KIF15: variants seen among roughly 807,000 people sequenced by gnomAD.
KIF15 encodes kinesin family member 15, also known as kinesin-like protein KIF15.
A neutral mutation model predicts 190.6 loss-of-function variants in KIF15; 140 were observed. The ratio of observed to expected loss-of-function variants is 0.73; its 90% CI spans 0.64 to 0.84. KIF15 has a LOEUF of 0.84. Among genes scored for constraint, KIF15 ranks in the 40% least tolerant of loss-of-function variants. KIF15 has a pLI of 0.00. For synonymous variants in KIF15, 528 were observed against 551.3 expected, an observed-to-expected ratio of 0.96 and a Z score of 0.59; for missense variants, 1,372 against 1,584.4, an observed-to-expected ratio of 0.87 and a Z score of 2.28.
At chr3:44,867,801 T>A (rs1699336810) in intron 6 of KIF15, among the ~76,000 whole-genome samples, 1 of 152,248 alleles carries the variant, frequency 6.6e-6, no homozygotes, top group African/African-American at 2.4e-5. Context: ...CTGTATTTAT[T>A]TTCCTCATTT....
intron 20 of KIF15, among the ~76,000 whole-genome samples, chr3:44,824,668 C>T (rs1220060770): frequency 6.6e-6 from 1 of 152,096 alleles, no homozygotes; most frequent in Admixed American, 6.5e-5. Flanking sequence ...GTTTATATGT[C>T]AGAGTTGAAC....
chr3:44,794,070 G>T (rs55865174), intron 7 of KIF15, 147 bp from the exon 8 acceptor site: 37 of 605,710 alleles, frequency 6.1e-5, no homozygotes, highest in Non-Finnish European at 1.0e-4. Flanking sequence ...GTAGAGGTGA[G>T]GTCTCACACT....
chr3:44,863,581 C>T (rs1351995437), intron 6 of KIF15: 1 of 152,422 alleles, frequency 6.6e-6, no homozygotes, highest in East Asian at 1.9e-4. Flanking sequence ...ACCGCTGTAG[C>T]ACTTTAGGAA....
At chr3:44,861,638 A>T (rs1477539608) in intron 6 of KIF15, among the ~76,000 whole-genome samples, 1 of 152,142 alleles carries the variant, frequency 6.6e-6, no homozygotes, top group Non-Finnish European at 1.5e-5. Flanking sequence ...AAGCCGCGAG[A>T]AGTTTACCTT....
chr3:44,860,133 A>G (rs1272097270), intron 6 of KIF15, among the ~76,000 whole-genome samples: 1 of 152,174 alleles, frequency 6.6e-6, no homozygotes, highest in African/African-American at 2.4e-5. Flanking sequence ...GGTGGCTCTG[A>G]GATGCTTAAC....
At chr3:44,840,320 T>C (rs909377617) in intron 27 of KIF15, 35 bp from the exon 28 acceptor site, 2 of 1,284,986 alleles carry the variant, frequency 1.6e-6, no homozygotes, top group African/African-American at 1.5e-5. Context: ...CCCATATTAC[T>C]AAGTTGTAAC....
At chr3:44,768,823 T>C (rs1012595992) in intron 1 of KIF15, among the ~76,000 whole-genome samples, 5 of 152,082 alleles carry the variant, frequency 3.3e-5, no homozygotes, top group African/African-American at 1.2e-4. Context: ...GAGGCTCCAG[T>C]TGCACGACTG....
rs776975072 is a variant in KIF15 at position 44,797,583 on chromosome 3, C to T, written c.882C>T (p.Cys294=). ...EAGNINRSLS[C]LGQVITALVD... ...GTAACATAAATCGATCATTGAGCTG[C>T]CTGGGCCAAGTGATTACAGCACTTG... The change falls in exon 9 of 35, where the codon TGC becomes TGT. Residue 294 remains cysteine, a synonymous_variant. Transcript: ENST00000326047. 7 of 1,613,988 alleles carry T rather than the reference C, an allele frequency of 4.3e-6. No individual in the cohort carries two copies. The highest frequency in any genetic ancestry group is 1.1e-5 in the South Asian group (1 of 91,058).
At chr3:44,761,979 AG>A in intron 1 of KIF15, 95 bp downstream of exon 1, 1 of 1,496,448 alleles carries the variant, frequency 6.7e-7, no homozygotes, top group Non-Finnish European at 9.3e-7. Context: ...GGTTCTTGCT[AG>A]GCATGAACTG....
chr3:44,825,369 G>A (rs887819378), intron 20 of KIF15, among the ~76,000 whole-genome samples: 1 of 152,090 alleles, frequency 6.6e-6, no homozygotes, highest in East Asian at 1.9e-4. Context: ...TCTGCTTTGA[G>A]TTAGTACAGC....
In KIF15 at chr3:44,864,159, C is replaced by T. The variant is rs749851753; in HGVS notation, c.*60-9170C>T. On this transcript the variant is annotated intron_variant and NMD_transcript_variant, in intron 6 of 6. Transcript: ENST00000422209. ...TTGAGGGGGTCTGCAGGTTGCTGCCCAGGGTGGACGTGGCTGCAGTGACAC... is the reference window on the plus strand; with the variant it reads ...TTGAGGGGGTCTGCAGGTTGCTGCCTAGGGTGGACGTGGCTGCAGTGACAC... 5 of 1,611,520 alleles carry T rather than the reference C, an allele frequency of 3.1e-6. No homozygotes were observed. In the East Asian group the frequency reaches 1.1e-4, roughly 36 times the overall value.
At chr3:44,864,735 C>T (rs1458770550) in intron 6 of KIF15, among the ~76,000 whole-genome samples, 3 of 152,070 alleles carry the variant, frequency 2.0e-5, no homozygotes, top group Non-Finnish European at 2.9e-5. Context: ...TGGAGCTGAG[C>T]GTAGTCAATC....
chr3:44,784,981 C>G (rs1396971698), intron 6 of KIF15, 39 bp downstream of exon 6: 1 of 1,102,660 alleles, frequency 9.1e-7, no homozygotes, highest in Non-Finnish European at 1.3e-6. Flanking sequence ...TATGAAATGT[C>G]TAATTTTGAA....
chr3:44,824,971 G>A (rs1697563860), intron 20 of KIF15, among the ~76,000 whole-genome samples: 2 of 152,022 alleles, frequency 1.3e-5, no homozygotes, highest in African/African-American at 4.8e-5. Context: ...TGTTGTCCAG[G>A]CTGTTTTCAA....
chr3:44,853,615 G>C (rs1014134180), downstream of KIF15, among the ~76,000 whole-genome samples: 1 of 152,152 alleles, frequency 6.6e-6, no homozygotes, highest in Non-Finnish European at 1.5e-5. Context: ...TACTTTTTAA[G>C]ACATTGCCTG....
intron 24 of KIF15, among the ~76,000 whole-genome samples, chr3:44,829,587 T>TGCA (rs370112858): frequency 3.5e-5 from 1 of 28,682 alleles, no homozygotes; most frequent in Non-Finnish European, 5.9e-5. Context: ...TATGTATATA[T>TGCA]TATATATTAT....
chr3:44,799,289 A>G (rs1332420313), intron 10 of KIF15: 1 of 456,634 alleles, frequency 2.2e-6, no homozygotes, highest in Admixed American at 2.3e-5. Context: ...GTCACTCTCA[A>G]TGGTAAGCCC....
intron 5 of KIF15, 64 bp downstream of exon 5, chr3:44,780,986 AT>A: frequency 1.7e-6 from 2 of 1,198,550 alleles, no homozygotes; most frequent in South Asian, 1.3e-5. Flanking sequence ...AACCTACAAC[AT>A]TTTGGGGAAA....
chr3:44,858,811 A>G (rs374097270), intron 6 of KIF15, among the ~76,000 whole-genome samples: 2,838 of 152,290 alleles, frequency 0.019, 74 homozygotes, highest in African/African-American at 0.063. Context: ...TGAAAAGAAG[A>G]TAATGTGGAG....
Sources: gnomAD v4.1 joint callset for allele counts (sites outside exome capture counted in the v4.1 genomes callset) on GRCh38, gnomAD v4.1.1 for gene constraint, MANE v1.5 for transcripts, NCBI Gene and HGNC (gene_info 2026-07-23, HGNC 2026-07-21) for gene names.